Variants in DCLK3 observed in about 807,000 individuals in gnomAD.
DCLK3 encodes the protein doublecortin like kinase 3.
Under a neutral mutation model 46.4 loss-of-function variants are expected in DCLK3, and 30 were observed. That is an observed-to-expected ratio of 0.65 (90% CI 0.48 to 0.88). The LOEUF is 0.88. DCLK3 is among the 40% of genes least tolerant of loss of function. DCLK3 has a pLI of 0.00. For missense variants in DCLK3, 846 were observed against 907.1 expected (o/e 0.93, Z 0.87); for synonymous variants, 401 against 339.2 (o/e 1.18, Z -2.00).
rs567752463 is a variant in DCLK3 at position 36,742,662 on chromosome 3, A to G, written c.83-3578T>C. 5.9e-5 allele frequency among the ~76,000 whole-genome samples: 9 copies of G among 152,320 alleles called. No individual in the cohort carries two copies. In the South Asian group the frequency reaches 1.9e-3, roughly 32 times the overall value. On this transcript the variant is annotated intron_variant, in intron 1 of 4. Coordinates refer to ENST00000636136, the MANE Select transcript of DCLK3 (RefSeq NM_001394672.2). ...CAAGCTACTGGGAAGCACCAGGAAA[A>G]TGCAACCTTCGGATGCACTGATTTT...
Position 36,713,889 on chromosome 3 carries a change from T to C in DCLK3, c.*1439A>G, listed in dbSNP as rs1700942129. The C allele has an allele frequency of 6.6e-6, 1 of 152,260 alleles. No individual in the cohort carries two copies. The highest frequency in any genetic ancestry group is 2.4e-5 in the African/African-American group (1 of 41,454). 9.4% of individuals were successfully genotyped at this position (152,260 alleles called of 1,614,324 possible). On this transcript the variant is annotated 3_prime_UTR_variant, in exon 5 of 5. Transcript: ENST00000636136. ...GGACTAGTCATTTGATATAGCCTGC[T>C]TCAGGAGGGAGCTGAAAGGTGTCTC...
chr3:36,741,680 C>T lies in DCLK3; in HGVS notation c.83-2596G>A, dbSNP rs1417430496. Among the ~76,000 whole-genome samples the T allele has an allele frequency of 2.6e-5, 4 of 152,094 alleles. No homozygotes were observed. The South Asian group carries it at 6.2e-4, about 24-fold the overall frequency. On this transcript the variant is annotated intron_variant, in intron 1 of 4. Transcript: ENST00000636136. ...GGGCTGGACCAGTTGTCCACACGGC[C>T]GCTGAGGTCAGCACAGATGAAGGTA...
At chr3:36,717,876 A>G in intron 4 of DCLK3, 134 bp downstream of exon 4, 1 of 1,177,772 alleles carries the variant, frequency 8.5e-7, no homozygotes, top group Non-Finnish European at 1.2e-6. Context: ...ACATGAAGCT[A>G]CTGAGGAAGT....
intron 1 of DCLK3, among the ~76,000 whole-genome samples, chr3:36,742,167 A>G (rs928861967): frequency 2.0e-5 from 3 of 152,184 alleles, no homozygotes; most frequent in African/African-American, 7.2e-5. Flanking sequence ...TAGAGTGACA[A>G]AGAGGCCCAA....
intron 1 of DCLK3, among the ~76,000 whole-genome samples, chr3:36,740,511 T>G (rs1701333143): frequency 6.6e-6 from 1 of 152,188 alleles, no homozygotes; most frequent in African/African-American, 2.4e-5. Flanking sequence ...GTCCAGATGG[T>G]TTTCCCTCTT....
chr3:36,743,658 C>A (rs1375139133), intron 1 of DCLK3, among the ~76,000 whole-genome samples: 53 of 152,320 alleles, frequency 3.5e-4, no homozygotes, highest in Non-Finnish European at 8.8e-5. Flanking sequence ...CACCAAAATA[C>A]AAATGTTTAC....
chr3:36,760,015 G>A (rs550294452), intron 1 of DCLK3, among the ~76,000 whole-genome samples: 5 of 152,374 alleles, frequency 3.3e-5, no homozygotes, highest in African/African-American at 1.2e-4. Flanking sequence ...CAGCATGCAA[G>A]AGCAGGCAGT....
chr3:36,727,318 C>T (rs1701135665), intron 2 of DCLK3, among the ~76,000 whole-genome samples: 1 of 152,098 alleles, frequency 6.6e-6, no homozygotes, highest in Non-Finnish European at 1.5e-5. Flanking sequence ...ACAAATAAAG[C>T]ATTTGGCTGA....
At chr3:36,758,194 T>C (rs966461465) in intron 1 of DCLK3, among the ~76,000 whole-genome samples, 1 of 152,234 alleles carries the variant, frequency 6.6e-6, no homozygotes, top group African/African-American at 2.4e-5. Flanking sequence ...CTCAAAATTG[T>C]GTTTTGTTTA....
At chr3:36,744,027 C>T (rs1701373453) in intron 1 of DCLK3, among the ~76,000 whole-genome samples, 1 of 152,236 alleles carries the variant, frequency 6.6e-6, no homozygotes, top group Admixed American at 6.5e-5. Flanking sequence ...GAATGTGGAA[C>T]ATATGGTTTT....
At chr3:36,731,606 C>T (rs1423190037) in intron 2 of DCLK3, among the ~76,000 whole-genome samples, 1 of 152,098 alleles carries the variant, frequency 6.6e-6, no homozygotes, top group African/African-American at 2.4e-5. Flanking sequence ...AAGATGGGGC[C>T]ACGACTGATC....
At chr3:36,749,007 C>G (rs1701416767) in intron 1 of DCLK3, among the ~76,000 whole-genome samples, 1 of 152,160 alleles carries the variant, frequency 6.6e-6, no homozygotes, top group African/African-American at 2.4e-5. Context: ...CTCTTTCAGT[C>G]TCACCCTAGG....
At chr3:36,750,594 A>C (rs1701432260) in intron 1 of DCLK3, among the ~76,000 whole-genome samples, 1 of 152,196 alleles carries the variant, frequency 6.6e-6, no homozygotes, top group African/African-American at 2.4e-5. Context: ...AACAAAAGTA[A>C]CACCACAGAT....
intron 1 of DCLK3, among the ~76,000 whole-genome samples, chr3:36,759,226 G>T (rs1348359632): frequency 6.6e-6 from 1 of 152,202 alleles, no homozygotes; most frequent in Non-Finnish European, 1.5e-5. Flanking sequence ...ACATATGTGG[G>T]AGAGTTGATA....
At position 36,738,001 on chromosome 3, in the gene DCLK3, C is replaced by A; in HGVS notation, c.1166G>T (p.Ser389Ile). The A allele has an allele frequency of 6.2e-7, 1 of 1,614,210 alleles. No individual in the cohort carries two copies. Among genetic ancestry groups the A allele is most frequent in the Non-Finnish European group, 8.5e-7 (1 of 1,180,038 alleles). Residue 389 changes from serine (S) to isoleucine (I), a missense_variant, in exon 2 of 5, where the codon AGC becomes ATC. By Grantham distance (142) the Ser-to-Ile change is moderately radical. This residue lies in a region of DCLK3 where 553 missense variants were observed against 543.0 expected (regional missense o/e 1.02). Transcript: ENST00000636136. ...GCCTCTGTCCTCTTTCTTGTCCATG[C>A]TCTTGCTGGGTCTCCTCAGCTCTTG... ...PTQELRRPSK[S>I]MDKKEDRGPE...
chr3:36,741,077 T>C (rs1701339574), intron 1 of DCLK3, among the ~76,000 whole-genome samples: 1 of 152,242 alleles, frequency 6.6e-6, no homozygotes, highest in Non-Finnish European at 1.5e-5. Flanking sequence ...AAACTACATA[T>C]GGACATCTGT....
chr3:36,757,112 T>C (rs1406760330), intron 1 of DCLK3, among the ~76,000 whole-genome samples: 4 of 152,164 alleles, frequency 2.6e-5, no homozygotes, highest in Non-Finnish European at 5.9e-5. Context: ...CAAGTTACAT[T>C]TTAAAATATG....
chr3:36,736,256 G>A (rs557187688), intron 2 of DCLK3, among the ~76,000 whole-genome samples: 6 of 152,194 alleles, frequency 3.9e-5, no homozygotes, highest in Admixed American at 2.6e-4. Context: ...GTGTCAGCAC[G>A]TGGGGGTAAT....
intron 1 of DCLK3, among the ~76,000 whole-genome samples, chr3:36,753,411 A>G (rs940045726): frequency 6.6e-6 from 1 of 152,184 alleles, no homozygotes; most frequent in Non-Finnish European, 1.5e-5. Flanking sequence ...CAAAGACCCC[A>G]GTCTGTCTCC....
Sources: gnomAD v4.1 joint callset for allele counts (sites outside exome capture counted in the v4.1 genomes callset) on GRCh38, gnomAD v4.1.1 for gene constraint, gnomAD v4.1.1 regional missense constraint, MANE v1.5 for transcripts, NCBI Gene and HGNC (gene_info 2026-07-23, HGNC 2026-07-21) for gene names.